MITF: variants seen among roughly 807,000 people sequenced by gnomAD.
MITF encodes the protein microphthalmia-associated transcription factor.
MITF carries 17 observed loss-of-function variants against 60.5 expected under a neutral mutation model. The observed-to-expected ratio is 0.28, with a 90% CI of 0.19 to 0.42. The LOEUF is 0.42. Among genes scored for constraint, MITF ranks in the 10% least tolerant of loss-of-function variants. MITF has a pLI of 1.00. For missense variants in MITF, 622 were observed against 683.5 expected (o/e 0.91, Z 1.00); for synonymous variants, 260 against 248.5 (o/e 1.05, Z -0.43).
chr3:69,823,369 C>G (rs1005719474), intron 1 of MITF, among the ~76,000 whole-genome samples: 1 of 152,136 alleles, frequency 6.6e-6, no homozygotes, highest in Non-Finnish European at 1.5e-5. Flanking sequence ...AAGTTCAGAT[C>G]AAGGTGCTGG....
chr3:69,883,627 T>G lies in MITF; in HGVS notation c.354+4244T>G, dbSNP rs2064540640. On this transcript the variant is annotated intron_variant, in intron 2 of 9. Transcript: ENST00000352241. ...AAGGGACTTCTCCCACAACCTACCC[T>G]TAGATTTTGTTTCTGGTTTATTTAG... 2.0e-5 allele frequency among the ~76,000 whole-genome samples: 3 copies of G among 152,146 alleles called. No individual in the cohort carries two copies. The South Asian group carries it at 6.2e-4, about 32-fold the overall frequency.
chr3:69,850,450 G>T (rs2063806021), intron 1 of MITF, among the ~76,000 whole-genome samples: 1 of 152,074 alleles, frequency 6.6e-6, no homozygotes, highest in Non-Finnish European at 1.5e-5. Context: ...CATATAAAAT[G>T]CTTAGCTTGG....
At chr3:69,792,346 A>G (rs1000839312) in intron 1 of MITF, among the ~76,000 whole-genome samples, 2 of 152,178 alleles carry the variant, frequency 1.3e-5, no homozygotes, top group African/African-American at 4.8e-5. Context: ...AACAGATTCA[A>G]GTTTTCCTAT....
At chr3:69,768,780 C>T (rs550429760) in intron 1 of MITF, among the ~76,000 whole-genome samples, 1 of 152,188 alleles carries the variant, frequency 6.6e-6, no homozygotes, top group Non-Finnish European at 1.5e-5. Flanking sequence ...AACCCAGAAT[C>T]ATTTATAATA....
intron 3 of MITF, 114 bp downstream of exon 3, chr3:69,938,163 A>C: frequency 7.9e-7 from 1 of 1,269,490 alleles, no homozygotes; most frequent in Non-Finnish European, 1.1e-6. Flanking sequence ...CACATTTACC[A>C]GCCTTTGTCC....
At chr3:69,889,127 C>T (rs1469014387) in intron 2 of MITF, among the ~76,000 whole-genome samples, 3 of 132,834 alleles carry the variant, frequency 2.3e-5, no homozygotes, top group Non-Finnish European at 4.6e-5. Context: ...AAGCACAGAA[C>T]CTCATGACTT....
chr3:69,853,604 C>G (rs2063863541), intron 1 of MITF, among the ~76,000 whole-genome samples: 1 of 152,150 alleles, frequency 6.6e-6, no homozygotes, highest in Admixed American at 6.5e-5. Context: ...CCTCTTTACT[C>G]CCTACCTAGT....
At chr3:69,835,386 C>T (rs1458203044) in intron 1 of MITF, among the ~76,000 whole-genome samples, 1 of 152,222 alleles carries the variant, frequency 6.6e-6, no homozygotes, top group Admixed American at 6.5e-5. Flanking sequence ...AACTCCTTGT[C>T]AGATGTTTAG....
intron 1 of MITF, among the ~76,000 whole-genome samples, chr3:69,845,891 G>A (rs1331798516): frequency 6.6e-6 from 1 of 152,192 alleles, no homozygotes; most frequent in Non-Finnish European, 1.5e-5. Context: ...TCATGGCTCT[G>A]TGTGTGCATG....
At chr3:69,819,452 G>A (rs2063231777) in intron 1 of MITF, among the ~76,000 whole-genome samples, 1 of 152,174 alleles carries the variant, frequency 6.6e-6, no homozygotes, top group Admixed American at 6.5e-5. Context: ...TTTCAGGCAG[G>A]CATTGTTCCA....
At chr3:69,893,702 A>T (rs192698245) in intron 2 of MITF, among the ~76,000 whole-genome samples, 258 of 152,344 alleles carry the variant, frequency 1.7e-3, no homozygotes, top group Non-Finnish European at 2.9e-3. Context: ...CTAGAGATGC[A>T]TGGGATGTGT....
chr3:69,945,614 C>T (rs1176108232), intron 5 of MITF, among the ~76,000 whole-genome samples: 1 of 152,114 alleles, frequency 6.6e-6, no homozygotes, highest in Admixed American at 6.5e-5. Context: ...GTAGCTTCAG[C>T]AAATAAGAGC....
chr3:69,831,055 C>T (rs974085316), intron 1 of MITF, among the ~76,000 whole-genome samples: 2 of 152,052 alleles, frequency 1.3e-5, no homozygotes, highest in East Asian at 1.9e-4. Context: ...ATAGGGATAA[C>T]GATACACAAC....
chr3:69,956,671 A>T (rs1249484407), intron 8 of MITF, 141 bp downstream of exon 8: 1 of 724,844 alleles, frequency 1.4e-6, no homozygotes, highest in Non-Finnish European at 2.4e-6. Flanking sequence ...AATTCTTCTT[A>T]CACCTTTCTT....
At chr3:69,876,654 C>T (rs998142231) in intron 1 of MITF, among the ~76,000 whole-genome samples, 3 of 152,014 alleles carry the variant, frequency 2.0e-5, no homozygotes, top group Non-Finnish European at 4.4e-5. Flanking sequence ...TAATGCTGTT[C>T]GATTTGTATG....
chr3:69,952,277 A>G (rs1016961639), intron 7 of MITF, among the ~76,000 whole-genome samples: 5 of 152,148 alleles, frequency 3.3e-5, no homozygotes, highest in African/African-American at 1.2e-4. Flanking sequence ...TTTGAAAGAA[A>G]AAGAAAGAAA....
intron 1 of MITF, chr3:69,866,254 T>C: frequency 6.2e-7 from 1 of 1,611,240 alleles, no homozygotes; most frequent in Non-Finnish European, 8.5e-7. Context: ...CTTTCACTCT[T>C]CGCCAAGGGC....
intron 2 of MITF, among the ~76,000 whole-genome samples, chr3:69,882,271 A>G (rs1290029715): frequency 6.6e-6 from 1 of 152,172 alleles, no homozygotes; most frequent in East Asian, 1.9e-4. Context: ...TTGTGCCGTG[A>G]GTAAGTTCAT....
intron 1 of MITF, among the ~76,000 whole-genome samples, chr3:69,841,574 C>T (rs936603216): frequency 6.6e-6 from 1 of 152,160 alleles, no homozygotes; most frequent in African/African-American, 2.4e-5. Flanking sequence ...AATTTGGAAA[C>T]TTTAATCAGT....
Sources: gnomAD v4.1 joint callset for allele counts (sites outside exome capture counted in the v4.1 genomes callset) on GRCh38, gnomAD v4.1.1 for gene constraint, MANE v1.5 for transcripts, NCBI Gene and HGNC (gene_info 2026-07-23, HGNC 2026-07-21) for gene names.